SETD9: variants seen among roughly 807,000 people sequenced by gnomAD.
The protein encoded by SETD9 is SET domain-containing protein 9.
A neutral mutation model predicts 36.4 loss-of-function variants in SETD9; 37 were observed. That is an observed-to-expected ratio of 1.02 (90% confidence interval 0.78 to 1.34). The LOEUF (loss-of-function observed/expected upper bound fraction) is 1.34, where lower values mean the gene tolerates loss of function less well. Ranked by LOEUF, SETD9 falls within the 40% of genes most tolerant of loss-of-function variation. The pLI is 0.00. For synonymous variants in SETD9, 128 were observed against 132.9 expected, an observed-to-expected ratio of 0.96 and a Z score of 0.26; for missense variants, 323 against 353.2, an observed-to-expected ratio of 0.91 and a Z score of 0.69.
downstream of SETD9, among the ~76,000 whole-genome samples, chr5:56,927,326 T>C (rs1750041464): frequency 6.6e-6 from 1 of 152,112 alleles, no homozygotes; most frequent in Non-Finnish European, 1.5e-5. Context: ...GATATAATAA[T>C]AACTATAGGA....
chr5:56,919,433 G>T (rs1176539338), downstream of SETD9, among the ~76,000 whole-genome samples: 1 of 151,884 alleles, frequency 6.6e-6, no homozygotes, highest in East Asian at 1.9e-4. Context: ...AAATTATAGA[G>T]GATTTAAGGA....
chr5:56,909,669 C>T lies in SETD9; in HGVS notation c.24C>T (p.Gly8=). 6.2e-7 allele frequency: 1 copy of T among 1,609,164 alleles called. No individual in the cohort carries two copies. The highest frequency in any genetic ancestry group is 8.5e-7 in the Non-Finnish European group (1 of 1,178,444). The change falls in exon 1 of 6, where the codon GGC becomes GGT. Residue 8 remains glycine, a synonymous_variant. Transcript: ENST00000285947. The part of the protein sequence containing the change: MPGRLLR[G]LWQRWRRYKY... ...CCATGCCTGGCCGTCTGCTGCGGGGCCTGTGGCAGCGATGGCGCCGTTACA... is the reference window on the plus strand; with the variant it reads ...CCATGCCTGGCCGTCTGCTGCGGGGTCTGTGGCAGCGATGGCGCCGTTACA...
At chr5:56,922,587 G>T (rs926793175) in intron 5 of SETD9, 7 of 154,408 alleles carry the variant, frequency 4.5e-5, no homozygotes, top group African/African-American at 1.7e-4. Context: ...TGTTTGTGCA[G>T]TTTAAAGAAA....
At chr5:56,927,012 C>T (rs1167341756), downstream of SETD9, among the ~76,000 whole-genome samples, 2 of 152,056 alleles carry the variant, frequency 1.3e-5, no homozygotes, top group African/African-American at 2.4e-5. Context: ...CTGTATAATT[C>T]CAACTATATG....
intron 1 of SETD9, chr5:56,910,576 C>A: frequency 8.8e-6 from 3 of 340,720 alleles, no homozygotes; most frequent in South Asian, 2.5e-5. Context: ...AACCGTGAGG[C>A]GGGAATTACA....
chr5:56,928,689 C>T (rs1319514229), downstream of SETD9: 15 of 1,006,110 alleles, frequency 1.5e-5, no homozygotes, highest in South Asian at 1.8e-4. Context: ...TTCTTTTTTC[C>T]TACTTAAGTG....
At position 56,911,456 on chromosome 5, in the gene SETD9, G is replaced by T; in HGVS notation, c.386G>T (p.Ser129Ile). Residue 129 changes from serine (S) to isoleucine (I), a missense_variant, in exon 2 of 6, where the codon AGC becomes ATC. Physicochemically the swap from Ser to Ile is moderately radical, Grantham distance 142. Coordinates refer to ENST00000285947, the MANE Select transcript of SETD9 (RefSeq NM_153706.4). ...TLGFSVAQAT[S>I]SLISAGKGVF... ...GGTTTCAGTGTTGCCCAAGCAACTA[G>T]CTCATTGATTTCTGCTGGAAAAGGT... The T allele has an allele frequency of 1.2e-6, 2 of 1,609,820 alleles. No individual in the cohort carries two copies. The highest frequency in any genetic ancestry group is 1.7e-6 in the Non-Finnish European group (2 of 1,178,812).
upstream of SETD9, chr5:56,909,476 G>T (rs906130749): frequency 1.9e-6 from 1 of 531,632 alleles, no homozygotes; most frequent in East Asian, 3.4e-5. Flanking sequence ...GTCAGGAAAG[G>T]GGAAGGACGA....
chr5:56,926,822 T>TC (rs896954238), downstream of SETD9, among the ~76,000 whole-genome samples: 1 of 152,142 alleles, frequency 6.6e-6, no homozygotes, highest in African/African-American at 2.4e-5. Context: ...AACCAAGGTA[T>TC]CCTCTAACAG....
At position 56,916,907 on chromosome 5, in the gene SETD9, G is replaced by A; in HGVS notation, c.*5G>A. 6.3e-7 allele frequency: 1 copy of A among 1,592,500 alleles called. No individual in the cohort carries two copies. ...TACTACACAATTGTCAGCTAACTCT[G>A]TGAATCAGAAATTATTAGGTTTTCT... On this transcript the variant is annotated 3_prime_UTR_variant, in exon 6 of 6. Transcript: ENST00000285947.
intron 2 of SETD9, among the ~76,000 whole-genome samples, chr5:56,912,476 T>C (rs1749189828): frequency 6.6e-6 from 1 of 152,180 alleles, no homozygotes; most frequent in Non-Finnish European, 1.5e-5. Context: ...AATCTAATTT[T>C]GTAAAGACTA....
At chr5:56,921,276 C>G (rs1037580198), downstream of SETD9, 1 of 152,394 alleles carries the variant, frequency 6.6e-6, no homozygotes, top group Non-Finnish European at 1.5e-5. Context: ...AGAAAGTGTA[C>G]TGATTTTTAA....
At chr5:56,923,664 C>A (rs572051554) in intron 5 of SETD9, 2 of 1,614,102 alleles carry the variant, frequency 1.2e-6, no homozygotes, top group African/African-American at 2.7e-5. Context: ...ACAAACTGTA[C>A]TAAATGCAGA....
At chr5:56,919,531 A>G (rs1749565413), downstream of SETD9, 1 of 152,242 alleles carries the variant, frequency 6.6e-6, no homozygotes, top group African/African-American at 2.4e-5. Context: ...ATATCTATCT[A>G]TTTGCTGTAG....
At chr5:56,911,662 G>C in intron 2 of SETD9, 126 bp downstream of exon 2, 1 of 1,074,492 alleles carries the variant, frequency 9.3e-7, no homozygotes, top group Non-Finnish European at 1.3e-6. Flanking sequence ...AGTTTCCATA[G>C]ATTTTTGCAA....
Position 56,914,936 on chromosome 5 carries a change from C to CA in SETD9, c.785dup (p.Asn262LysfsTer7), listed in dbSNP as rs763363815. The CA allele has an allele frequency of 1.3e-6, 2 of 1,595,244 alleles. No homozygotes were observed. Among genetic ancestry groups the CA allele is most frequent in the Non-Finnish European group, 1.7e-6 (2 of 1,167,316 alleles). On this transcript the variant is annotated frameshift_variant, in exon 5 of 6. Coordinates refer to ENST00000285947, the MANE Select transcript of SETD9 (RefSeq NM_153706.4). LOFTEE classifies it high-confidence loss of function. ...CCTATAGAACTGAAGCAGTATCTTCCAAACATTGCCTACAGCTATGACAAA... is the reference window on the plus strand; with the variant it reads ...CCTATAGAACTGAAGCAGTATCTTCCAAAACATTGCCTACAGCTATGACAAA...
In SETD9 at chr5:56,911,437, A is replaced by T. The variant is rs1397650623; in HGVS notation, c.367A>T (p.Ser123Cys). The T allele has an allele frequency of 6.2e-7, 1 of 1,613,280 alleles. No homozygotes were observed. The highest frequency in any genetic ancestry group is 8.5e-7 in the Non-Finnish European group (1 of 1,179,776). ...AATTCTTTACAAGACTTTGGGTTTCAGTGTTGCCCAAGCAACTAGCTCATT... is the reference window on the plus strand; with the variant it reads ...AATTCTTTACAAGACTTTGGGTTTCTGTGTTGCCCAAGCAACTAGCTCATT... ...EEILYKTLGF[S>C]VAQATSSLIS... The change falls in exon 2 of 6, where the codon AGT (serine) becomes TGT (cysteine). Residue 123 changes from serine to cysteine, a missense_variant. Physicochemically the swap from Ser to Cys is moderately radical, Grantham distance 112. Transcript: ENST00000285947.
downstream of SETD9, chr5:56,920,479 TTGTTA>T (rs1372710245): frequency 6.6e-6 from 1 of 152,592 alleles, no homozygotes; most frequent in Non-Finnish European, 1.5e-5. Context: ...TTATCACAGT[TTGTTA>T]TAAGAATTGT....
At chr5:56,916,794 T>G in intron 5 of SETD9, 21 bp from the exon 6 acceptor site, 2 of 1,597,382 alleles carry the variant, frequency 1.3e-6, no homozygotes. Context: ...CTCTACCTTT[T>G]GTATATCTTT....
Sources: gnomAD v4.1 joint callset for allele counts (sites outside exome capture counted in the v4.1 genomes callset) on GRCh38, gnomAD v4.1.1 for gene constraint, MANE v1.5 for transcripts, NCBI Gene and HGNC (gene_info 2026-07-23, HGNC 2026-07-21) for gene names.